The following TRAF7 variants were observed in gnomAD, a reference collection of about 807,000 sequenced individuals.
TRAF7 encodes E3 ubiquitin-protein ligase TRAF7.
In TRAF7, 45 loss-of-function variants were observed where a neutral mutation model predicts 89.3. The observed-to-expected ratio is 0.50, with a 90% confidence interval of 0.40 to 0.65. The LOEUF is 0.65. Ranked by LOEUF, TRAF7 falls within the 30% of genes least tolerant of loss-of-function variation. TRAF7 has a pLI of 0.00. For synonymous variants in TRAF7, 406 were observed against 369.2 expected (o/e 1.10, Z -1.14); for missense variants, 677 against 918.1 (o/e 0.74, Z 3.39).
rs1312890031 is a variant in TRAF7 at position 2,175,170 on chromosome 16, G to A, written c.1386+20G>A. 1.3e-5 allele frequency: 21 copies of A among 1,613,238 alleles called. No individual in the cohort carries two copies. In the Admixed American group the frequency reaches 2.8e-4, roughly 22 times the overall value. On this transcript the variant is annotated intron_variant, in intron 15 of 20. Transcript: ENST00000326181. ...ATCATTGTGAGTGGGGCCTACAGGC[G>A]GGTGGGCAGGAGGCGGCCCAGGCCC...
Position 2,171,309 on chromosome 16 carries a change from C to G in TRAF7, c.394C>G (p.Gln132Glu). The part of the protein sequence containing the change: ...AEQPSVKLCC[Q>E]LCCSVFKDPV... ...GCAGCCCTCGGTGAAGCTGTGCTGTCAGCTCTGCTGCAGCGTCTTCAAAGA... is the reference window on the plus strand; with the variant it reads ...GCAGCCCTCGGTGAAGCTGTGCTGTGAGCTCTGCTGCAGCGTCTTCAAAGA... The change falls in exon 6 of 21, where the codon CAG (glutamine) becomes GAG (glutamate). Residue 132 changes from glutamine (Q) to glutamate (E), a missense_variant. Gln to Glu is a conservative substitution (Grantham distance 29, BLOSUM62 2). Around this residue, in one of 6 missense-constraint regions of TRAF7, gnomAD observed 240 missense variants for 191.9 expected, o/e 1.25. Coordinates refer to ENST00000326181, the MANE Select transcript of TRAF7 (RefSeq NM_032271.3). 1 of 1,556,378 alleles carries G rather than the reference C, an allele frequency of 6.4e-7. No individual in the cohort carries two copies. Among genetic ancestry groups the G allele is most frequent in the Non-Finnish European group, 8.7e-7 (1 of 1,150,420 alleles).
At chr16:2,176,211 TCA>T in intron 19 of TRAF7, 31 bp downstream of exon 19, 2 of 1,601,792 alleles carry the variant, frequency 1.2e-6, no homozygotes, top group Non-Finnish European at 1.7e-6. Flanking sequence ...GGCAGGAGGC[TCA>T]GAGGGCTGGC....
chr16:2,165,906 G>C lies in TRAF7; in HGVS notation c.109G>C (p.Ala37Pro), dbSNP rs746647663. The C allele has an allele frequency of 6.2e-7, 1 of 1,614,060 alleles. No homozygotes were observed. Among genetic ancestry groups the C allele is most frequent in the South Asian group, 1.1e-5 (1 of 91,078 alleles). ...CAGAATGGAAACGACCTTCGGACCC[G>C]CCTTTTCAGCCGTCACCACCATCAC... is the stretch of plus-strand genomic sequence containing the variant. ...GTRMETTFGP[A>P]FSAVTTITKA... The change falls in exon 3 of 21, where the codon GCC becomes CCC. Residue 37 changes from alanine (A) to proline (P), a missense_variant. By Grantham distance (27) the Ala-to-Pro change is conservative. Coordinates refer to ENST00000326181, the MANE Select transcript of TRAF7 (RefSeq NM_032271.3).
At chr16:2,164,414 G>C (rs370654252) in intron 2 of TRAF7, among the ~76,000 whole-genome samples, 2 of 133,220 alleles carry the variant, frequency 1.5e-5, no homozygotes, top group Non-Finnish European at 3.2e-5. Context: ...TTAAGCGTGT[G>C]AGTGCTGCGT....
chr16:2,165,515 A>T (rs377217434), intron 2 of TRAF7, among the ~76,000 whole-genome samples: 2 of 52,166 alleles, frequency 3.8e-5, no homozygotes, highest in African/African-American at 9.3e-5. Context: ...GCATGGTTAA[A>T]CGTGTGAGTG....
In TRAF7 at chr16:2,173,353, C is replaced by G; in HGVS notation, c.966C>G (p.Leu322=). The G allele has an allele frequency of 1.2e-6, 2 of 1,613,604 alleles. No homozygotes were observed. Among genetic ancestry groups the G allele is most frequent in the African/African-American group, 1.3e-5 (1 of 75,036 alleles). ...IAFLRSMLGK[L]SEKIDQLEKS... is the part of the protein sequence containing the mutation. The stretch of plus-strand genomic sequence containing the variant: ...TCCTGCGCTCCATGCTGGGAAAGCT[C>G]TCGGAGAAGATCGACCAGCTAGAGA... The change falls in exon 10 of 21, where the codon CTC becomes CTG. Residue 322 remains leucine (L), a synonymous_variant. Transcript: ENST00000326181.
Position 2,176,581 on chromosome 16 carries a change from C to G in TRAF7, c.*7C>G. The G allele has an allele frequency of 6.2e-7, 1 of 1,613,468 alleles. No homozygotes were observed. The highest frequency in any genetic ancestry group is 1.3e-5 in the African/African-American group (1 of 75,032). ...GCAGGTTTGGACTTGCTAACAGGAT[C>G]CAGGCCAGGCTGTGGTTTCCCCTGA... On this transcript the variant is annotated 3_prime_UTR_variant, in exon 21 of 21. Coordinates refer to ENST00000326181, the MANE Select transcript of TRAF7 (RefSeq NM_032271.3).
Position 2,162,504 on chromosome 16 carries a change from G to A in TRAF7, c.-38-1379G>A, listed in dbSNP as rs2093061901. Among the ~76,000 whole-genome samples, 1 of 152,158 alleles carries A rather than the reference G, an allele frequency of 6.6e-6. No homozygotes were observed. Among genetic ancestry groups the A allele is most frequent in the South Asian group, 2.1e-4 (1 of 4,838 alleles). On this transcript the variant is annotated intron_variant, in intron 1 of 20. Transcript: ENST00000326181. This position sits in a 1 kb window ranked among gnomAD's most constrained non-coding sequence, Gnocchi z 5.0. ...GGCTCAGTGATGCCCCCTGAGCTGT[G>A]CTCCTGCTGGGTGGGGGCAGAGACC...
Position 2,168,716 on chromosome 16 carries a change from G to T in TRAF7, c.231+548G>T, listed in dbSNP as rs2093096725. 6.6e-6 allele frequency among the ~76,000 whole-genome samples: 1 copy of T among 152,126 alleles called. No homozygotes were observed. The highest frequency in any genetic ancestry group is 1.5e-5 in the Non-Finnish European group (1 of 68,024). Reference sequence around the variant, plus strand: ...TGCTGGCTGTGTGAGGTGCAGAAAGGATCAGGGCAGTCGGGGGCTGGCTGC... The same window carrying T: ...TGCTGGCTGTGTGAGGTGCAGAAAGTATCAGGGCAGTCGGGGGCTGGCTGC... On this transcript the variant is annotated intron_variant, in intron 4 of 20. Coordinates refer to ENST00000326181, the MANE Select transcript of TRAF7 (RefSeq NM_032271.3). This position sits in a 1 kb window ranked among gnomAD's most constrained non-coding sequence, Gnocchi z 4.1.
rs148739381 is a variant in TRAF7, at chr16:2,161,243, C to T, written c.-38-2640C>T. Among the ~76,000 whole-genome samples, 1,085 of 147,672 alleles carry T rather than the reference C, an allele frequency of 7.3e-3. 20 individuals carry two copies. The highest frequency in any genetic ancestry group is 0.026 in the African/African-American group (1,025 of 39,982). ...CTTCCCTCTGCCCCCTCCCTCCCTCCGTCCCCTCCCTCCTTCCGTCCCCCT... is the reference window on the plus strand; with the variant it reads ...CTTCCCTCTGCCCCCTCCCTCCCTCTGTCCCCTCCCTCCTTCCGTCCCCCT... On this transcript the variant is annotated intron_variant, in intron 1 of 20. Transcript: ENST00000326181. The surrounding 1 kb of genome is among the most constrained non-coding windows in gnomAD (Gnocchi z 5.2).
At chr16:2,165,961 C>T (rs1284886416) in intron 3 of TRAF7, 25 bp downstream of exon 3, 2 of 1,613,800 alleles carry the variant, frequency 1.2e-6, no homozygotes, top group Non-Finnish European at 1.7e-6. Flanking sequence ...CAAGGCCAGC[C>T]CAGGCTGGGA....
In TRAF7 at chr16:2,176,890, A is replaced by G. The variant is rs2093139385; in HGVS notation, c.*316A>G. 2 of 529,366 alleles carry G rather than the reference A, an allele frequency of 3.8e-6. No homozygotes were observed. The highest frequency in any genetic ancestry group is 2.1e-5 in the South Asian group (1 of 47,996). The allele number at this position is 529,366 out of a possible 1,614,324, so 32.8% of individuals were successfully genotyped here. On this transcript the variant is annotated 3_prime_UTR_variant, in exon 21 of 21. Coordinates refer to ENST00000326181, the MANE Select transcript of TRAF7 (RefSeq NM_032271.3). ...ACCTTTTCTACCGTTTTTAGACTGT[A>G]TGTAGATTTGGTTACCTCCTGGTTG...
rs1207740577 is a variant in TRAF7 at position 2,162,009 on chromosome 16, GCCAAGCCC to G, written c.-38-1872_-38-1865del. Among the ~76,000 whole-genome samples, 1 of 152,210 alleles carries G rather than the reference GCCAAGCCC, an allele frequency of 6.6e-6. No homozygotes were observed. ...GAGAGCCTAGTCTGGGTCACACAGG[GCCAAGCCC>G]CTCGAGTCGCAGTGGGGCCTGGGGA... On this transcript the variant is annotated intron_variant, in intron 1 of 20. Coordinates refer to ENST00000326181, the MANE Select transcript of TRAF7 (RefSeq NM_032271.3). This position sits in a 1 kb window ranked among gnomAD's most constrained non-coding sequence, Gnocchi z 5.0.
rs1596676078 is a variant in TRAF7 at position 2,171,272 on chromosome 16, G to T, written c.357G>T (p.Leu119=). ...LPEEEEEPEP[L]VFAEQPSVKL... The stretch of plus-strand genomic sequence containing the variant: ...TTCCCGCTTGGTTCCAGGAGCCACT[G>T]GTGTTTGCGGAGCAGCCCTCGGTGA... The change falls in exon 6 of 21, where the codon CTG becomes CTT. Residue 119 remains leucine (L), a synonymous_variant. Coordinates refer to ENST00000326181, the MANE Select transcript of TRAF7 (RefSeq NM_032271.3). 6.5e-7 allele frequency: 1 copy of T among 1,549,414 alleles called. No homozygotes were observed. The highest frequency in any genetic ancestry group is 2.4e-5 in the East Asian group (1 of 41,456).
At chr16:2,169,908 C>T (rs2093101353) in intron 4 of TRAF7, among the ~76,000 whole-genome samples, 2 of 152,196 alleles carry the variant, frequency 1.3e-5, no homozygotes, top group South Asian at 4.1e-4. Flanking sequence ...CCTCTGCAGT[C>T]AAAGCACCAG....
chr16:2,164,494 G>T (rs866722957), intron 2 of TRAF7, among the ~76,000 whole-genome samples: 1 of 143,068 alleles, frequency 7.0e-6, no homozygotes, highest in South Asian at 2.2e-4. Context: ...GGTTAAGCGT[G>T]TGAGTGCTAC....
chr16:2,165,234 T>G (rs1226907771), intron 2 of TRAF7, among the ~76,000 whole-genome samples: 450 of 70,020 alleles, frequency 6.4e-3, no homozygotes, highest in Middle Eastern at 0.023. Context: ...TTAAGCGTGT[T>G]AGTGCTACGT....
At chr16:2,156,503 G>A (rs565701942) in intron 1 of TRAF7, among the ~76,000 whole-genome samples, 48 of 152,264 alleles carry the variant, frequency 3.2e-4, no homozygotes, top group Non-Finnish European at 6.6e-4. Context: ...AAAGAAAGAG[G>A]GTGCTGAAAA....
intron 2 of TRAF7, among the ~76,000 whole-genome samples, chr16:2,165,135 C>T (rs1298512721): frequency 1.5e-5 from 2 of 135,310 alleles, no homozygotes; most frequent in African/African-American, 3.0e-5. Context: ...CTGGCCTGGT[C>T]GCATGCTGAA....
Sources: allele counts gnomAD v4.1 joint callset (sites outside exome capture counted in the v4.1 genomes callset), GRCh38; gene constraint gnomAD v4.1.1; regional missense constraint gnomAD v4.1.1; non-coding constraint Gnocchi (gnomAD v3.1); transcripts MANE v1.5; gene names NCBI Gene and HGNC (gene_info 2026-07-23, HGNC 2026-07-21).